PDE1C: variants seen among roughly 807,000 people sequenced by gnomAD.
PDE1C encodes phosphodiesterase 1C, also known as dual specificity calcium/calmodulin-dependent 3',5'-cyclic nucleotide phosphodiesterase 1C.
A neutral mutation model predicts 93.1 loss-of-function variants in PDE1C; 62 were observed. That is an observed-to-expected ratio of 0.67 (90% CI 0.54 to 0.82). The LOEUF is 0.82. Among genes scored for constraint, PDE1C ranks in the 40% least tolerant of loss-of-function variants. The pLI is 0.00. For synonymous variants in PDE1C, 325 were observed against 310.1 expected, an observed-to-expected ratio of 1.05 and a Z score of -0.50; for missense variants, 742 against 884.6, an observed-to-expected ratio of 0.84 and a Z score of 2.04.
At chr7:32,269,255 G>A (rs79578813) in intron 1 of PDE1C, among the ~76,000 whole-genome samples, 3 of 152,006 alleles carry the variant, frequency 2.0e-5, no homozygotes, top group East Asian at 3.9e-4. Context: ...TCTGAGCCAG[G>A]GGGGGTGAGA....
chr7:31,749,132 G>A (rs1156343022), downstream of PDE1C, among the ~76,000 whole-genome samples: 1 of 152,156 alleles, frequency 6.6e-6, no homozygotes, highest in African/African-American at 2.4e-5. Context: ...CTGTGCTCAT[G>A]ATAAGGCTTA....
In PDE1C at chr7:32,057,325, T is replaced by C. The variant is rs568625110; in HGVS notation, c.102-5745A>G. 5.9e-5 allele frequency among the ~76,000 whole-genome samples: 9 copies of C among 152,338 alleles called. No homozygotes were observed. In the South Asian group the frequency reaches 1.2e-3, roughly 21 times the overall value. ...TAAATTAAAAGACCACTAGTCTTAA[T>C]GTCTGTTTATGTCCGGAATGTTTCA... On this transcript the variant is annotated intron_variant, in intron 1 of 17. Transcript: ENST00000396191.
intron 3 of PDE1C, among the ~76,000 whole-genome samples, chr7:32,124,410 A>G (rs1799458025): frequency 6.6e-6 from 1 of 152,208 alleles, no homozygotes; most frequent in Admixed American, 6.5e-5. Flanking sequence ...ATCCTAAGGA[A>G]AAAGAAAAAA....
upstream of PDE1C, among the ~76,000 whole-genome samples, chr7:32,075,173 A>C (rs983140221): frequency 2.6e-5 from 4 of 152,228 alleles, no homozygotes; most frequent in African/African-American, 9.6e-5. Context: ...ACAAACAAGG[A>C]AGAGTAGAAA....
chr7:32,305,178 C>G lies in PDE1C; in HGVS notation c.311-95639G>C, dbSNP rs150386439. The stretch of plus-strand genomic sequence containing the variant: ...TAAGACCCAGCCTCCATCACCCTCC[C>G]CATTCCATGATACTTCTGTCAGCTA... On this transcript the variant is annotated intron_variant, in intron 1 of 1. Transcript: ENST00000672256. Among the ~76,000 whole-genome samples, 748 of 152,322 alleles carry G rather than the reference C, an allele frequency of 4.9e-3. 5 individuals carry two copies. Among genetic ancestry groups the G allele is most frequent in the African/African-American group, 0.017 (718 of 41,578 alleles).
chr7:31,736,714 G>GT, the PDE1C span, among the ~76,000 whole-genome samples: 6 of 152,178 alleles, frequency 3.9e-5, no homozygotes, highest in Non-Finnish European at 7.3e-5. Flanking sequence ...CTGGCAAAAT[G>GT]TTTTTTTCTC....
chr7:32,074,442 A>G (rs989122707), upstream of PDE1C, among the ~76,000 whole-genome samples: 13 of 152,224 alleles, frequency 8.5e-5, no homozygotes, highest in African/African-American at 2.7e-4. Context: ...GCTCATTTAC[A>G]AGTAAAGACA....
chr7:32,408,917 A>G (rs1283212401), intron 1 of PDE1C, among the ~76,000 whole-genome samples: 5 of 152,356 alleles, frequency 3.3e-5, no homozygotes, highest in Non-Finnish European at 5.9e-5. Flanking sequence ...GATTCCTCAG[A>G]AGACCAAAAA....
the PDE1C span, among the ~76,000 whole-genome samples, chr7:31,647,323 T>C: frequency 2.6e-5 from 4 of 152,170 alleles, no homozygotes; most frequent in Non-Finnish European, 5.9e-5. Flanking sequence ...AGGACATAGC[T>C]CTTGGACCAA....
At chr7:31,769,653 A>T (rs1244917031) in intron 17 of PDE1C, among the ~76,000 whole-genome samples, 1 of 152,116 alleles carries the variant, frequency 6.6e-6, no homozygotes, top group Non-Finnish European at 1.5e-5. Flanking sequence ...ATATATTTTG[A>T]GGGTTTTTTC....
intron 1 of PDE1C, among the ~76,000 whole-genome samples, chr7:32,394,398 TG>T (rs1427194681): frequency 2.0e-5 from 3 of 152,210 alleles, no homozygotes; most frequent in African/African-American, 7.2e-5. Flanking sequence ...ATTTTGGAAG[TG>T]GGGCCTACTA....
chr7:32,242,156 G>T (rs1808585522), intron 1 of PDE1C, among the ~76,000 whole-genome samples: 1 of 152,136 alleles, frequency 6.6e-6, no homozygotes, highest in South Asian at 2.1e-4. Flanking sequence ...TTTGGGGTTT[G>T]CCAAGCAAAT....
Position 31,880,683 on chromosome 7 carries a change from G to A in PDE1C, c.242+64C>T, listed in dbSNP as rs1797129514. ...ATTCCTGGCATGGGGGACAATTTCAGAAAAGCCATTTAAGAGAAAATTTAC... is the reference window on the plus strand; with the variant it reads ...ATTCCTGGCATGGGGGACAATTTCAAAAAAGCCATTTAAGAGAAAATTTAC... On this transcript the variant is annotated intron_variant, in intron 3 of 17. Transcript: ENST00000396191. 6 of 952,894 alleles carry A rather than the reference G, an allele frequency of 6.3e-6. 1 individual carries two copies. In the South Asian group the frequency reaches 7.2e-5, roughly 11 times the overall value. The allele number at this position is 952,894 out of a possible 1,614,324, so 59.0% of individuals were successfully genotyped here.
the PDE1C span, among the ~76,000 whole-genome samples, chr7:31,639,548 T>G: frequency 3.3e-4 from 49 of 150,024 alleles, no homozygotes; most frequent in East Asian, 8.9e-3. Context: ...GTTTTTTTTT[T>G]TTTTTTGAGA....
intron 1 of PDE1C, among the ~76,000 whole-genome samples, chr7:32,263,753 C>G (rs1375273264): frequency 6.6e-6 from 1 of 152,092 alleles, no homozygotes; most frequent in Admixed American, 6.6e-5. Flanking sequence ...AATACACCCT[C>G]CCCCCAACAC....
the PDE1C span, among the ~76,000 whole-genome samples, chr7:31,628,560 C>G: frequency 2.6e-5 from 4 of 151,902 alleles, no homozygotes; most frequent in African/African-American, 7.3e-5. Context: ...CGGGTTCACG[C>G]CATTCTCCTG....
At chr7:32,133,734 C>T (rs531428169) in intron 3 of PDE1C, among the ~76,000 whole-genome samples, 4 of 152,120 alleles carry the variant, frequency 2.6e-5, no homozygotes, top group Non-Finnish European at 5.9e-5. Flanking sequence ...AGAATCTCTG[C>T]AATACATTGT....
intron 2 of PDE1C, among the ~76,000 whole-genome samples, chr7:32,021,114 A>T (rs1265295804): frequency 6.6e-6 from 1 of 152,048 alleles, no homozygotes; most frequent in Admixed American, 6.6e-5. Flanking sequence ...CCATCCATAG[A>T]ACTGGTTTGC....
At chr7:32,242,305 CA>C (rs1273174072) in intron 1 of PDE1C, among the ~76,000 whole-genome samples, 1 of 151,982 alleles carries the variant, frequency 6.6e-6, no homozygotes, top group African/African-American at 2.4e-5. Flanking sequence ...TCGGAGTTCC[CA>C]GGGGGTTGAA....
Sources: gnomAD v4.1 joint callset for allele counts (sites outside exome capture counted in the v4.1 genomes callset) on GRCh38, gnomAD v4.1.1 for gene constraint, MANE v1.5 for transcripts, NCBI Gene and HGNC (gene_info 2026-07-23, HGNC 2026-07-21) for gene names.